Variants in CLSPN observed in about 807,000 individuals in gnomAD.
CLSPN encodes claspin homolog.
In CLSPN, 85 loss-of-function variants were observed where a neutral mutation model predicts 156.3. The observed-to-expected ratio is 0.54, with a 90% CI of 0.46 to 0.65. The LOEUF (loss-of-function observed/expected upper bound fraction) is 0.65. CLSPN is among the 30% of genes least tolerant of loss of function. CLSPN has a pLI of 0.00. For missense variants in CLSPN, 1,407 were observed against 1,554.9 expected (o/e 0.90, Z 1.60); for synonymous variants, 534 against 542.4 (o/e 0.98, Z 0.22).
At chr1:35,743,558 A>G in intron 16 of CLSPN, 28 bp from the exon 17 acceptor site, 1 of 1,579,968 alleles carries the variant, frequency 6.3e-7, no homozygotes, top group Non-Finnish European at 8.7e-7. Flanking sequence ...GAATCAATAA[A>G]TAAGTTGTTG....
At chr1:35,756,645 T>C (rs1484519282) in intron 8 of CLSPN, among the ~76,000 whole-genome samples, 1 of 152,204 alleles carries the variant, frequency 6.6e-6, no homozygotes, top group Admixed American at 6.5e-5. Flanking sequence ...ACATTGCTCT[T>C]GTCCAGAAAG....
At chr1:35,769,727 G>A in intron 1 of CLSPN, 120 bp downstream of exon 1, 15 of 950,738 alleles carry the variant, frequency 1.6e-5, no homozygotes, top group Non-Finnish European at 2.2e-5. Context: ...CGCGGCGAAC[G>A]CCGGGAGCCG....
chr1:35,739,293 C>A (rs1412985139), intron 19 of CLSPN, 36 bp from the exon 20 acceptor site: 2 of 1,613,906 alleles, frequency 1.2e-6, no homozygotes, highest in South Asian at 2.2e-5. Flanking sequence ...AAAACAAGGA[C>A]CATTCTGGCT....
chr1:35,768,674 C>A (rs991140430), intron 1 of CLSPN, among the ~76,000 whole-genome samples: 5 of 152,004 alleles, frequency 3.3e-5, no homozygotes, highest in Non-Finnish European at 7.4e-5. Context: ...CCTTAGCCTC[C>A]CGAAGTGCTG....
chr1:35,721,920 C>T (rs1641081491), intron 24 of CLSPN, among the ~76,000 whole-genome samples: 3 of 151,962 alleles, frequency 2.0e-5, no homozygotes, highest in South Asian at 4.2e-4. Context: ...AGGCGGATCA[C>T]TTGAGGCTGG....
chr1:35,752,598 A>G (rs1278212122), intron 9 of CLSPN, among the ~76,000 whole-genome samples: 5 of 151,644 alleles, frequency 3.3e-5, no homozygotes, highest in Non-Finnish European at 7.4e-5. Context: ...AAAAAAAAAA[A>G]AAAAAAGCCT....
chr1:35,741,710 C>T (rs761846029), intron 18 of CLSPN, among the ~76,000 whole-genome samples: 2 of 152,022 alleles, frequency 1.3e-5, no homozygotes, highest in Non-Finnish European at 1.5e-5. Flanking sequence ...TGGGGTGGCT[C>T]ACGCCTGTAA....
At chr1:35,767,632 G>A (rs1028091206) in intron 1 of CLSPN, among the ~76,000 whole-genome samples, 1 of 152,170 alleles carries the variant, frequency 6.6e-6, no homozygotes, top group African/African-American at 2.4e-5. Flanking sequence ...TTCAGACTAT[G>A]TGTGTAAGGT....
rs1388729183 is a variant in CLSPN, at chr1:35,732,525, G to A, written c.*3971C>T. 1.0e-6 allele frequency: 1 copy of A among 985,278 alleles called. No homozygotes were observed. Among genetic ancestry groups the A allele is most frequent in the Non-Finnish European group, 1.2e-6 (1 of 829,922 alleles). The allele number at this position is 985,278 out of a possible 1,614,324, so 61.0% of individuals were successfully genotyped here. On this transcript the variant is annotated 3_prime_UTR_variant, in exon 25 of 25. Coordinates refer to ENST00000318121, the MANE Select transcript of CLSPN (RefSeq NM_022111.4). ...ATGGAAGAGACCCTAGTATGGCTGT[G>A]CAACTGTGAATTAATGAGATGAAAT...
downstream of CLSPN, among the ~76,000 whole-genome samples, chr1:35,730,617 C>T (rs530285881): frequency 1.4e-3 from 190 of 139,538 alleles, no homozygotes; most frequent in African/African-American, 5.0e-3. Context: ...ACAGAGGTAA[C>T]CTAATTAAGA....
At chr1:35,743,305 T>A in intron 17 of CLSPN, 64 bp from the exon 18 acceptor site, 1 of 1,434,828 alleles carries the variant, frequency 7.0e-7, no homozygotes, top group Middle Eastern at 1.8e-4. Flanking sequence ...AAAAAAGGAT[T>A]TATAAACATC....
In CLSPN at chr1:35,760,589, C is replaced by A. The variant is rs771322932; in HGVS notation, c.1332G>T (p.Gln444His). 3.1e-6 allele frequency: 5 copies of A among 1,614,110 alleles called. No homozygotes were observed. The African/African-American group carries it at 6.7e-5, about 22-fold the overall frequency. The change falls in exon 8 of 25, where the codon CAG becomes CAT. Residue 444 changes from glutamine (Q) to histidine (H), a missense_variant. Physicochemically the swap from Gln to His is conservative, Grantham distance 24 (BLOSUM62 0). Coordinates refer to ENST00000318121, the MANE Select transcript of CLSPN (RefSeq NM_022111.4). ...FLGNNHSEEC[Q>H]VGGLVAFEPH... ...GTTCAAATGCTACAAGCCCTCCAAC[C>A]TGACATTCCTCACTGTGATTGTTCC...
intron 1 of CLSPN, among the ~76,000 whole-genome samples, chr1:35,766,452 C>CTT (rs201225830): frequency 1.3e-5 from 2 of 150,884 alleles, no homozygotes; most frequent in African/African-American, 4.9e-5. Context: ...GTGTATATTT[C>CTT]TTTTTTTTTG....
At chr1:35,760,040 G>A (rs553546509) in intron 8 of CLSPN, among the ~76,000 whole-genome samples, 1 of 152,122 alleles carries the variant, frequency 6.6e-6, no homozygotes. Flanking sequence ...CACTGTATTG[G>A]CCAGGCTAGT....
Position 35,733,614 on chromosome 1 carries a change from C to A in CLSPN, c.*2882G>T, listed in dbSNP as rs1033357687. The A allele has an allele frequency of 2.0e-6, 2 of 985,200 alleles. No homozygotes were observed. Among genetic ancestry groups the A allele is most frequent in the Admixed American group, 6.2e-5 (1 of 16,244 alleles). 61.0% of individuals were successfully genotyped at this position (985,200 alleles called of 1,614,324 possible). A position where few individuals can be genotyped will look rare whatever the true frequency, so the allele number is the denominator to read the frequency against. On this transcript the variant is annotated 3_prime_UTR_variant, in exon 25 of 25. Coordinates refer to ENST00000318121, the MANE Select transcript of CLSPN (RefSeq NM_022111.4). ...TGTTTAGAGAGTTCAAAGAAAGAGG[C>A]AAAAACATGTATCTTGAACCCATGG...
Position 35,734,688 on chromosome 1 carries a change from AAAGAAAAGAAAAG to A in CLSPN, c.*1795_*1807del. 1.2e-6 allele frequency: 1 copy of A among 864,136 alleles called. No homozygotes were observed. Among genetic ancestry groups the A allele is most frequent in the Non-Finnish European group, 1.4e-6 (1 of 736,104 alleles). 53.5% of individuals were successfully genotyped at this position (864,136 alleles called of 1,614,324 possible). The stretch of plus-strand genomic sequence containing the variant: ...GCCAGCCTATGTCTCAAAAAAAAAA[AAAGAAAAGAAAAG>A]AAAAGAAAAAGAAAAAGAAAAGAAA... On this transcript the variant is annotated 3_prime_UTR_variant, in exon 25 of 25. Coordinates refer to ENST00000318121, the MANE Select transcript of CLSPN (RefSeq NM_022111.4).
chr1:35,742,329 C>A (rs1042143535), intron 18 of CLSPN, among the ~76,000 whole-genome samples: 1 of 152,142 alleles, frequency 6.6e-6, no homozygotes, highest in African/African-American at 2.4e-5. Flanking sequence ...TCAGTTCCTT[C>A]AACTGTAAAA....
intron 9 of CLSPN, among the ~76,000 whole-genome samples, chr1:35,753,061 T>C (rs1642145896): frequency 6.6e-6 from 1 of 152,174 alleles, no homozygotes; most frequent in South Asian, 2.1e-4. Context: ...GCAGAATGCA[T>C]GTTATGATCA....
intron 22 of CLSPN, 134 bp downstream of exon 22, chr1:35,737,858 T>C: frequency 2.1e-6 from 1 of 476,238 alleles, no homozygotes; most frequent in Non-Finnish European, 3.7e-6. Flanking sequence ...ACCACCTCTG[T>C]GAAGCCTCTT....
Sources: allele counts gnomAD v4.1 joint callset (sites outside exome capture counted in the v4.1 genomes callset), GRCh38; gene constraint gnomAD v4.1.1; transcripts MANE v1.5; gene names NCBI Gene and HGNC (gene_info 2026-07-23, HGNC 2026-07-21).